Variants in SHANK2 observed in about 807,000 individuals in gnomAD.
The protein encoded by SHANK2 is SH3 and multiple ankyrin repeat domains 2, also known as SH3 and multiple ankyrin repeat domains protein 2.
SHANK2 carries 43 observed loss-of-function variants against 133.7 expected under a neutral mutation model. The ratio of observed to expected loss-of-function variants is 0.32; its 90% CI spans 0.25 to 0.41. The LOEUF (loss-of-function observed/expected upper bound fraction) is 0.41. Ranked by LOEUF, SHANK2 falls within the 10% of genes least tolerant of loss-of-function variation. The pLI, the probability that SHANK2 is intolerant of heterozygous loss-of-function variation, is 1.00. For synonymous variants in SHANK2, 1,017 were observed against 952.8 expected, an observed-to-expected ratio of 1.07 and a Z score of -1.24; for missense variants, 1,994 against 2,235.8, an observed-to-expected ratio of 0.89 and a Z score of 2.18.
Position 70,468,933 on chromosome 11 carries a change from A to G in SHANK2, c.*3936T>C, listed in dbSNP as rs1419992024. 2.0e-5 allele frequency: 3 copies of G among 152,366 alleles called. No homozygotes were observed. The highest frequency in any genetic ancestry group is 2.1e-4 in the South Asian group (1 of 4,830). The allele number at this position is 152,366 out of a possible 1,614,324, so 9.4% of individuals were successfully genotyped here. The stretch of plus-strand genomic sequence containing the variant: ...GTCTTCCTGGCTTAGTTCTTTGCCA[A>G]TAGACACAAATTCTCTCTTGCTCCA... On this transcript the variant is annotated 3_prime_UTR_variant, in exon 26 of 26. Coordinates refer to ENST00000601538, the MANE Select transcript of SHANK2 (RefSeq NM_012309.5).
chr11:70,687,786 G>T (rs1945188543), intron 15 of SHANK2, among the ~76,000 whole-genome samples: 1 of 152,188 alleles, frequency 6.6e-6, no homozygotes, highest in African/African-American at 2.4e-5. Flanking sequence ...ATCCAGGTGG[G>T]GAGCAAGGCA....
intron 2 of SHANK2, among the ~76,000 whole-genome samples, chr11:71,215,313 T>C (rs1954383728): frequency 6.6e-6 from 1 of 152,136 alleles, no homozygotes; most frequent in Non-Finnish European, 1.5e-5. Flanking sequence ...CCTGCGTCTG[T>C]ACTTTTGAGG....
At chr11:71,147,857 T>C (rs1952686878) in intron 2 of SHANK2, among the ~76,000 whole-genome samples, 1 of 152,140 alleles carries the variant, frequency 6.6e-6, no homozygotes, top group African/African-American at 2.4e-5. Context: ...AGGTACCGTG[T>C]AAAAACAGAA....
chr11:70,842,325 C>T (rs1244066304), intron 11 of SHANK2, among the ~76,000 whole-genome samples: 5 of 152,166 alleles, frequency 3.3e-5, no homozygotes, highest in African/African-American at 9.7e-5. Context: ...TATTCCCTGC[C>T]GGGTGGCTCC....
At chr11:70,551,073 C>T (rs1373166098) in intron 17 of SHANK2, among the ~76,000 whole-genome samples, 1 of 152,208 alleles carries the variant, frequency 6.6e-6, no homozygotes, top group Admixed American at 6.5e-5. Flanking sequence ...CCTCCCACCC[C>T]CTCCGAGACC....
At chr11:70,612,054 C>T (rs540793795) in intron 17 of SHANK2, among the ~76,000 whole-genome samples, 7 of 151,902 alleles carry the variant, frequency 4.6e-5, no homozygotes, top group Admixed American at 2.0e-4. Context: ...AGGAAGGAGG[C>T]GGCGTCCGGG....
At chr11:70,852,732 A>G (rs1949106180) in intron 11 of SHANK2, among the ~76,000 whole-genome samples, 2 of 152,214 alleles carry the variant, frequency 1.3e-5, no homozygotes, top group Non-Finnish European at 2.9e-5. Flanking sequence ...AGTCCCAGCT[A>G]CTTGGGAAGT....
At chr11:70,542,572 G>A (rs1209737874) in intron 17 of SHANK2, among the ~76,000 whole-genome samples, 1 of 152,148 alleles carries the variant, frequency 6.6e-6, no homozygotes, top group African/African-American at 2.4e-5. Flanking sequence ...TATGGGACAC[G>A]GCCATAGCCT....
intron 17 of SHANK2, among the ~76,000 whole-genome samples, chr11:70,620,718 G>C (rs1049659861): frequency 2.0e-5 from 3 of 152,154 alleles, no homozygotes; most frequent in Non-Finnish European, 4.4e-5. Flanking sequence ...CATAAGGGTG[G>C]GGCCCTGATC....
At chr11:71,193,439 A>G (rs1200261384) in intron 2 of SHANK2, among the ~76,000 whole-genome samples, 1 of 152,210 alleles carries the variant, frequency 6.6e-6, no homozygotes, top group Non-Finnish European at 1.5e-5. Context: ...TCCATATCCC[A>G]GGGCTTGACC....
At chr11:70,477,958 C>T (rs1555150561) in intron 25 of SHANK2, among the ~76,000 whole-genome samples, 1 of 152,190 alleles carries the variant, frequency 6.6e-6, no homozygotes, top group East Asian at 1.9e-4. Flanking sequence ...TGATTTAGAA[C>T]ACAGACACAT....
chr11:70,523,906 C>T (rs1215840994), intron 17 of SHANK2, among the ~76,000 whole-genome samples: 1 of 152,180 alleles, frequency 6.6e-6, no homozygotes, highest in Non-Finnish European at 1.5e-5. Flanking sequence ...CTCCCCTGTG[C>T]TGCTCCGCAC....
chr11:70,793,412 C>T (rs577293204), intron 14 of SHANK2, among the ~76,000 whole-genome samples: 55 of 152,170 alleles, frequency 3.6e-4, no homozygotes, highest in African/African-American at 1.3e-3. Flanking sequence ...AAAATGAAAA[C>T]GCAAGTCACA....
chr11:70,562,904 G>A (rs771603249), intron 17 of SHANK2, among the ~76,000 whole-genome samples: 6 of 152,128 alleles, frequency 3.9e-5, no homozygotes, highest in South Asian at 4.2e-4. Flanking sequence ...ACAGAGTCTC[G>A]CTCTGTCACT....
intron 10 of SHANK2, among the ~76,000 whole-genome samples, chr11:70,949,329 G>A (rs182253823): frequency 7.7e-4 from 117 of 152,288 alleles, no homozygotes; most frequent in African/African-American, 2.7e-3. Flanking sequence ...ACGTCCCCAG[G>A]CCTGGCATGC....
chr11:70,497,961 G>T (rs550324260), intron 21 of SHANK2, among the ~76,000 whole-genome samples: 1 of 152,368 alleles, frequency 6.6e-6, no homozygotes, highest in African/African-American at 2.4e-5. Context: ...CCATTGAGGG[G>T]CAGAGTGCCC....
intron 10 of SHANK2, among the ~76,000 whole-genome samples, chr11:70,897,441 G>A (rs1949952879): frequency 6.6e-6 from 1 of 152,240 alleles, no homozygotes; most frequent in African/African-American, 2.4e-5. Flanking sequence ...CAGAAATTGA[G>A]GTTTCCTATG....
At chr11:70,501,977 C>T in intron 19 of SHANK2, 46 bp from the exon 20 acceptor site, 1 of 1,549,604 alleles carries the variant, frequency 6.5e-7, no homozygotes, top group Non-Finnish European at 8.7e-7. Context: ...GTTAGATAAA[C>T]AGAAAAGAGG....
chr11:70,853,299 G>T lies in SHANK2; in HGVS notation c.1175-32617C>A, dbSNP rs1462921475. Among the ~76,000 whole-genome samples, 4 of 152,216 alleles carry T rather than the reference G, an allele frequency of 2.6e-5. No homozygotes were observed. The East Asian group carries it at 7.7e-4, about 29-fold the overall frequency. On this transcript the variant is annotated intron_variant, in intron 11 of 25. Coordinates refer to ENST00000601538, the MANE Select transcript of SHANK2 (RefSeq NM_012309.5). Reference sequence around the variant, plus strand: ...CCAGGCGTCCCGGCGCCTCCCACGGGCCCTGGAGCTCAGAGCACAGCTTCC... The same window carrying T: ...CCAGGCGTCCCGGCGCCTCCCACGGTCCCTGGAGCTCAGAGCACAGCTTCC...
Sources: gnomAD v4.1 joint callset for allele counts (sites outside exome capture counted in the v4.1 genomes callset) on GRCh38, gnomAD v4.1.1 for gene constraint, MANE v1.5 for transcripts, NCBI Gene and HGNC (gene_info 2026-07-23, HGNC 2026-07-21) for gene names.